The following DUSP29 variants were observed in gnomAD, a reference collection of about 807,000 sequenced individuals.
The protein encoded by DUSP29 is dual specificity phosphatase 29, also known as atypical dual-specific protein phosphatase.
DUSP29 carries 12 observed loss-of-function variants against 13.5 expected under a neutral mutation model. The ratio of observed to expected loss-of-function variants is 0.89; its 90% CI spans 0.57 to 1.44. DUSP29 has a LOEUF of 1.44. Ranked by LOEUF, DUSP29 falls within the 40% of genes most tolerant of loss-of-function variation. The pLI, the probability that DUSP29 is intolerant of heterozygous loss-of-function variation, is 0.00. For missense variants in DUSP29, 308 were observed against 301.1 expected (o/e 1.02, Z -0.17); for synonymous variants, 134 against 128.7 (o/e 1.04, Z -0.28).
At chr10:75,060,158 C>T (rs1197417777) in intron 1 of DUSP29, among the ~76,000 whole-genome samples, 1 of 150,234 alleles carries the variant, frequency 6.7e-6, no homozygotes, top group Admixed American at 6.7e-5. Context: ...GAAACTCCAT[C>T]TCAAAATAAT....
chr10:75,052,644 G>C (rs1054313665), intron 2 of DUSP29, among the ~76,000 whole-genome samples: 2 of 152,120 alleles, frequency 1.3e-5, no homozygotes, highest in Non-Finnish European at 2.9e-5. Flanking sequence ...TAGAGGCGGG[G>C]TTTTGCCATG....
intron 1 of DUSP29, among the ~76,000 whole-genome samples, chr10:75,067,485 T>G (rs1311251373): frequency 6.6e-6 from 1 of 152,168 alleles, no homozygotes; most frequent in Non-Finnish European, 1.5e-5. Context: ...CTAACTCAGC[T>G]GACATGGGGG....
chr10:75,043,051 C>A lies in DUSP29; in HGVS notation c.421+746G>T, dbSNP rs572431924. The stretch of plus-strand genomic sequence containing the variant: ...GGATTAGGGTAGCCAACAGTGCATT[C>A]TGAGCACAAAGACTAGCACTGTGAT... On this transcript the variant is annotated intron_variant, in intron 3 of 3. Transcript: ENST00000338487. 2.0e-5 allele frequency among the ~76,000 whole-genome samples: 3 copies of A among 152,394 alleles called. No homozygotes were observed. In the East Asian group the frequency reaches 5.8e-4, roughly 29 times the overall value.
intron 2 of DUSP29, 27 bp downstream of exon 2, chr10:75,058,288 C>A: frequency 1.3e-6 from 2 of 1,596,366 alleles, no homozygotes; most frequent in South Asian, 1.1e-5. Context: ...TGCCTGCTCC[C>A]AAGCGAGCCT....
At chr10:75,058,593 G>A in intron 1 of DUSP29, 45 bp from the exon 2 acceptor site, 7 of 1,506,954 alleles carry the variant, frequency 4.6e-6, no homozygotes, top group Non-Finnish European at 6.4e-6. Flanking sequence ...AGGGGACACT[G>A]AGGCAGGGAA....
At chr10:75,042,855 G>C (rs59992920) in intron 3 of DUSP29, among the ~76,000 whole-genome samples, 2 of 152,350 alleles carry the variant, frequency 1.3e-5, no homozygotes, top group Non-Finnish European at 2.9e-5. Flanking sequence ...CCACAAAGGG[G>C]TGTGTGACAC....
At chr10:75,054,515 T>C (rs536412152) in intron 2 of DUSP29, among the ~76,000 whole-genome samples, 21 of 152,318 alleles carry the variant, frequency 1.4e-4, no homozygotes, top group African/African-American at 4.8e-4. Flanking sequence ...GAATAATCAT[T>C]ATAGTTACAA....
chr10:75,067,875 C>A (rs2134307178), intron 1 of DUSP29, among the ~76,000 whole-genome samples: 1 of 152,176 alleles, frequency 6.6e-6, no homozygotes, highest in East Asian at 1.9e-4. Context: ...TAAAATGGTG[C>A]AATCCAGGCT....
At chr10:75,058,231 G>A (rs1443678030) in intron 2 of DUSP29, 84 bp downstream of exon 2, 3 of 1,484,946 alleles carry the variant, frequency 2.0e-6, no homozygotes, top group Non-Finnish European at 2.7e-6. Context: ...AAATTCCAAA[G>A]CCCATGGCTA....
chr10:75,070,847 C>T (rs927289775), intron 1 of DUSP29, among the ~76,000 whole-genome samples: 11 of 152,174 alleles, frequency 7.2e-5, no homozygotes, highest in African/African-American at 2.2e-4. Context: ...ATCTGACCCC[C>T]TCGTTACTGT....
intron 2 of DUSP29, among the ~76,000 whole-genome samples, chr10:75,055,688 A>G (rs1846944128): frequency 6.6e-6 from 1 of 152,232 alleles, no homozygotes; most frequent in Admixed American, 6.5e-5. Context: ...ACAACTCTGT[A>G]AATATAACAA....
intron 2 of DUSP29, among the ~76,000 whole-genome samples, chr10:75,056,504 A>G (rs994662113): frequency 4.9e-5 from 7 of 142,074 alleles, no homozygotes; most frequent in African/African-American, 1.8e-4. Context: ...GGACATCTCA[A>G]AAAAAAAAAA....
At chr10:75,066,704 G>A (rs1183891016) in intron 1 of DUSP29, among the ~76,000 whole-genome samples, 1 of 152,100 alleles carries the variant, frequency 6.6e-6, no homozygotes, top group African/African-American at 2.4e-5. Flanking sequence ...CCGGGCCGAG[G>A]CAGGAAGGTG....
chr10:75,041,869 T>C (rs773573908), intron 3 of DUSP29, among the ~76,000 whole-genome samples: 2 of 152,248 alleles, frequency 1.3e-5, no homozygotes, highest in Non-Finnish European at 2.9e-5. Flanking sequence ...GTCATCTGCC[T>C]AGGCCTAAGC....
At chr10:75,038,119 A>T in intron 3 of DUSP29, 42 bp from the exon 4 acceptor site, 4 of 1,588,176 alleles carry the variant, frequency 2.5e-6, no homozygotes, top group Non-Finnish European at 3.4e-6. Context: ...ACTGAGGGGC[A>T]GGTGTTGGGG....
At chr10:75,043,545 C>T (rs902207091) in intron 3 of DUSP29, among the ~76,000 whole-genome samples, 1 of 152,240 alleles carries the variant, frequency 6.6e-6, no homozygotes, top group Non-Finnish European at 1.5e-5. Context: ...ACCTTCACAG[C>T]TTCCAGGGGC....
chr10:75,046,764 T>C (rs756177440), intron 2 of DUSP29, among the ~76,000 whole-genome samples: 13 of 152,218 alleles, frequency 8.5e-5, no homozygotes, highest in Non-Finnish European at 1.5e-4. Context: ...CCCCAAAGTA[T>C]GTGTACAACA....
intron 3 of DUSP29, among the ~76,000 whole-genome samples, chr10:75,042,973 G>A (rs998991650): frequency 1.3e-5 from 2 of 152,218 alleles, no homozygotes; most frequent in African/African-American, 4.8e-5. Context: ...TCTTACCCCC[G>A]ATGCGTCCCT....
chr10:75,058,407 A>G lies in DUSP29; in HGVS notation c.108T>C (p.Pro36=), dbSNP rs953709742. The G allele has an allele frequency of 1.9e-6, 3 of 1,614,228 alleles. No homozygotes were observed. The highest frequency in any genetic ancestry group is 1.3e-5 in the African/African-American group (1 of 75,060). ...AGAGCCGCTCCAGCTCAAAGGCTCC[A>G]GGGGTGCAGTAGTCCTCCTCCTCCC... is the stretch of plus-strand genomic sequence containing the variant. ...EEGEEEDYCT[P]GAFELERLFW... The change falls in exon 2 of 4, where the codon CCT becomes CCC. Residue 36 remains proline (P), a synonymous_variant. Transcript: ENST00000338487.
Sources: gnomAD v4.1 joint callset for allele counts (sites outside exome capture counted in the v4.1 genomes callset) on GRCh38, gnomAD v4.1.1 for gene constraint, MANE v1.5 for transcripts, NCBI Gene and HGNC (gene_info 2026-07-23, HGNC 2026-07-21) for gene names.